Variants in SYNE1 observed in about 807,000 individuals in gnomAD.
The protein encoded by SYNE1 is spectrin repeat containing nuclear envelope protein 1.
Under a neutral mutation model 1,111.0 loss-of-function variants are expected in SYNE1, and 616 were observed. The ratio of observed to expected loss-of-function variants is 0.55; its 90% CI spans 0.52 to 0.59. SYNE1 has a LOEUF of 0.59. SYNE1 is among the 20% of genes least tolerant of loss of function. The pLI is 0.00. For synonymous variants in SYNE1, 3,855 were observed against 3,825.8 expected (o/e 1.01, Z -0.28); for missense variants, 10,006 against 10,417.0 (o/e 0.96, Z 1.72).
intron 3 of SYNE1, among the ~76,000 whole-genome samples, chr6:152,613,114 T>A (rs1400721299): frequency 6.6e-6 from 1 of 152,138 alleles, no homozygotes; most frequent in Non-Finnish European, 1.5e-5. Flanking sequence ...CTCTCACCAC[T>A]CCTATTCAAC....
intron 100 of SYNE1, among the ~76,000 whole-genome samples, chr6:152,266,329 A>G (rs966028988): frequency 3.3e-5 from 5 of 152,194 alleles, no homozygotes; most frequent in African/African-American, 1.2e-4. Context: ...ATACATACAG[A>G]GAGGAAGCAA....
At chr6:152,529,380 G>A (rs906522987) in intron 4 of SYNE1, among the ~76,000 whole-genome samples, 4 of 152,132 alleles carry the variant, frequency 2.6e-5, no homozygotes, top group Admixed American at 6.6e-5. Flanking sequence ...CCTGAGCTGG[G>A]CCCATCATAT....
intron 3 of SYNE1, among the ~76,000 whole-genome samples, chr6:152,620,613 T>TTCA (rs761463594): frequency 1.3e-5 from 2 of 152,216 alleles, no homozygotes; most frequent in South Asian, 2.1e-4. Flanking sequence ...CCAAACCGAA[T>TTCA]TCATCAACAC....
chr6:152,348,221 A>C (rs2096673551), intron 72 of SYNE1, among the ~76,000 whole-genome samples: 1 of 152,162 alleles, frequency 6.6e-6, no homozygotes, highest in Non-Finnish European at 1.5e-5. Flanking sequence ...ATTGTTTTAT[A>C]GATGAGGAAA....
intron 127 of SYNE1, among the ~76,000 whole-genome samples, chr6:152,199,320 C>T (rs2074917192): frequency 6.6e-6 from 1 of 152,120 alleles, no homozygotes; most frequent in Non-Finnish European, 1.5e-5. Flanking sequence ...AAAACAGACA[C>T]CTAAATTTAA....
At chr6:152,444,636 A>T in intron 29 of SYNE1, 58 bp from the exon 30 acceptor site, 1 of 1,526,462 alleles carries the variant, frequency 6.6e-7, no homozygotes, top group Non-Finnish European at 8.9e-7. Context: ...TGAAGTTTGT[A>T]TAATTTTTTT....
chr6:152,605,469 C>T (rs1216746658), intron 3 of SYNE1, among the ~76,000 whole-genome samples: 1 of 152,180 alleles, frequency 6.6e-6, no homozygotes, highest in African/African-American at 2.4e-5. Flanking sequence ...AATAATCTGA[C>T]CCACATCAGA....
At chr6:152,478,632 T>A (rs1388656810) in intron 14 of SYNE1, 2 of 152,256 alleles carry the variant, frequency 1.3e-5, no homozygotes, top group Admixed American at 1.3e-4. Context: ...TTCTATTTTC[T>A]CAAAGAAAAA....
At chr6:152,309,751 G>C in intron 90 of SYNE1, 84 bp downstream of exon 90, 1 of 1,564,614 alleles carries the variant, frequency 6.4e-7, no homozygotes, top group Non-Finnish European at 8.7e-7. Context: ...GATGTGTTTT[G>C]ATGGCTGAGC....
intron 14 of SYNE1, among the ~76,000 whole-genome samples, chr6:152,482,761 G>A (rs900232545): frequency 1.3e-5 from 2 of 152,092 alleles, no homozygotes; most frequent in African/African-American, 2.4e-5. Context: ...GCCAATGGCC[G>A]GCCACATTAT....
In SYNE1 at chr6:152,510,949, T is replaced by G. The variant is rs9478335; in HGVS notation, c.402+62A>C. ...ATGGCAAATGAGAGCATTATTAAAA[T>G]GGCCACCATGATCTCCCTCTGAGAC... is the stretch of plus-strand genomic sequence containing the variant. On this transcript the variant is annotated intron_variant, in intron 7 of 145. Coordinates refer to ENST00000367255, the MANE Select transcript of SYNE1 (RefSeq NM_182961.4). 7.9e-3 allele frequency: 11,337 copies of G among 1,434,164 alleles called. 694 individuals are homozygous for G. In the African/African-American group the frequency reaches 0.14, roughly 17 times the overall value. 88.8% of individuals were successfully genotyped at this position (1,434,164 alleles called of 1,614,324 possible). A position where few individuals can be genotyped will look rare whatever the true frequency, so the allele number is the denominator to read the frequency against.
intron 77 of SYNE1, 134 bp from the exon 78 acceptor site, chr6:152,332,024 G>T (rs2096259940): frequency 1.6e-6 from 2 of 1,286,188 alleles, no homozygotes; most frequent in Non-Finnish European, 2.2e-6. Context: ...AGGCTGGAGT[G>T]CAATGAATGC....
At chr6:152,282,933 A>G (rs1007863503) in intron 96 of SYNE1, among the ~76,000 whole-genome samples, 1 of 152,196 alleles carries the variant, frequency 6.6e-6, no homozygotes, top group African/African-American at 2.4e-5. Flanking sequence ...TAATTGCATT[A>G]TGGTGTAATT....
chr6:152,318,009 T>G (rs1327040277), intron 86 of SYNE1, 72 bp downstream of exon 86: 1 of 1,578,028 alleles, frequency 6.3e-7, no homozygotes, highest in Admixed American at 1.7e-5. Flanking sequence ...GTTAATTTAT[T>G]TTCAAAAGAG....
chr6:152,587,007 C>T (rs1057200666), intron 3 of SYNE1, among the ~76,000 whole-genome samples: 8 of 152,116 alleles, frequency 5.3e-5, no homozygotes, highest in Non-Finnish European at 8.8e-5. Flanking sequence ...CAATGGCTTC[C>T]CATGGGCCAA....
chr6:152,436,875 A>G (rs917655375), intron 32 of SYNE1, among the ~76,000 whole-genome samples: 20 of 152,152 alleles, frequency 1.3e-4, no homozygotes, highest in Non-Finnish European at 2.4e-4. Flanking sequence ...GAGACTATCA[A>G]TGATCTTTGG....
At chr6:152,622,884 C>T (rs2099678632) in intron 3 of SYNE1, among the ~76,000 whole-genome samples, 1 of 152,164 alleles carries the variant, frequency 6.6e-6, no homozygotes, top group Non-Finnish European at 1.5e-5. Flanking sequence ...CTCCCACCAA[C>T]AGCATGTAAG....
At chr6:152,352,982 G>A (rs1436146504) in intron 69 of SYNE1, among the ~76,000 whole-genome samples, 1 of 152,126 alleles carries the variant, frequency 6.6e-6, no homozygotes, top group Non-Finnish European at 1.5e-5. Context: ...TAATTTGAGA[G>A]AGAAAGTTTT....
At chr6:152,606,916 A>G (rs2099616583) in intron 3 of SYNE1, among the ~76,000 whole-genome samples, 1 of 150,064 alleles carries the variant, frequency 6.7e-6, no homozygotes, top group Non-Finnish European at 1.5e-5. Context: ...GGCCTCCCAA[A>G]GTACTGGGAT....
Sources: allele counts gnomAD v4.1 joint callset (sites outside exome capture counted in the v4.1 genomes callset), GRCh38; gene constraint gnomAD v4.1.1; transcripts MANE v1.5; gene names NCBI Gene and HGNC (gene_info 2026-07-23, HGNC 2026-07-21).